The following CTCF variants were observed in gnomAD, a reference collection of about 807,000 sequenced individuals.
CTCF encodes transcriptional repressor CTCF.
In CTCF, 7 loss-of-function variants were observed where a neutral mutation model predicts 72.3. The ratio of observed to expected loss-of-function variants is 0.10; its 90% CI spans 0.06 to 0.18. The LOEUF is 0.18. Ranked by LOEUF, CTCF falls within the 10% of genes least tolerant of loss-of-function variation. CTCF has a pLI of 1.00. For missense variants in CTCF, 516 were observed against 949.1 expected, an observed-to-expected ratio of 0.54 and a Z score of 6.00; for synonymous variants, 374 against 315.8, an observed-to-expected ratio of 1.18 and a Z score of -1.95.
Position 67,626,535 on chromosome 16 carries a change from G to A in CTCF, c.1358-20G>A. The A allele has an allele frequency of 7.1e-7, 1 of 1,417,754 alleles. No homozygotes were observed. The highest frequency in any genetic ancestry group is 9.3e-7 in the Non-Finnish European group (1 of 1,074,568). The allele number at this position is 1,417,754 out of a possible 1,614,324, so 87.8% of individuals were successfully genotyped here. On this transcript the variant is annotated intron_variant, in intron 7 of 11. Coordinates refer to ENST00000264010, the MANE Select transcript of CTCF (RefSeq NM_006565.4). ...TGTTTGTGTTTTCACATTACCCTGG[G>A]CTTTTTACTGTGCTTTCAGGTGTCC... is the stretch of plus-strand genomic sequence containing the variant.
chr16:67,589,043 A>G (rs2051704380), intron 2 of CTCF, among the ~76,000 whole-genome samples: 1 of 152,090 alleles, frequency 6.6e-6, no homozygotes, highest in South Asian at 2.1e-4. Flanking sequence ...CATAATCCCA[A>G]CATGTTGGGA....
intron 5 of CTCF, among the ~76,000 whole-genome samples, chr16:67,618,037 G>A (rs2052155959): frequency 6.6e-6 from 1 of 152,186 alleles, no homozygotes; most frequent in South Asian, 2.1e-4. Context: ...GATGGGATGG[G>A]AGCTAAAATT....
At chr16:67,606,933 T>C (rs945632236) in intron 2 of CTCF, among the ~76,000 whole-genome samples, 1 of 151,628 alleles carries the variant, frequency 6.6e-6, no homozygotes, top group Admixed American at 6.6e-5. Flanking sequence ...CACTCAGCTA[T>C]ATATGTTTTA....
At chr16:67,564,383 C>T (rs1330177066) in intron 1 of CTCF, among the ~76,000 whole-genome samples, 2 of 152,182 alleles carry the variant, frequency 1.3e-5, no homozygotes. Context: ...ACAGCCTGGT[C>T]CTAACCAAAG....
rs1371273815 is a variant in CTCF at position 67,579,004 on chromosome 16, C to T, written c.-10+7740C>T. Among the ~76,000 whole-genome samples, 5 of 151,244 alleles carry T rather than the reference C, an allele frequency of 3.3e-5. No homozygotes were observed. The East Asian group carries it at 1.0e-3, about 30-fold the overall frequency. ...GCGTGGTGGCTCACGCCTGTAATCC[C>T]AGCACTTTGGGAGGCCAAGGTGCGT... On this transcript the variant is annotated intron_variant, in intron 2 of 11. Transcript: ENST00000264010.
chr16:67,602,091 T>C (rs1011267888), intron 2 of CTCF, among the ~76,000 whole-genome samples: 2 of 152,274 alleles, frequency 1.3e-5, no homozygotes, highest in East Asian at 1.9e-4. Flanking sequence ...CGTGAACTCC[T>C]GACCTCAGGT....
chr16:67,624,117 AT>A (rs1490355110), intron 7 of CTCF, among the ~76,000 whole-genome samples: 2 of 92,528 alleles, frequency 2.2e-5, no homozygotes, highest in Admixed American at 1.2e-4. Flanking sequence ...GTGTGTGTGT[AT>A]GTGTGTGTAT....
rs567140457 is a variant in CTCF at position 67,617,104 on chromosome 16, A to G, written c.1086+226A>G. Among the ~76,000 whole-genome samples, 184 of 152,300 alleles carry G rather than the reference A, an allele frequency of 1.2e-3. 1 individual carries two copies. The highest frequency in any genetic ancestry group is 4.0e-3 in the African/African-American group (167 of 41,582). ...TGGCTGGGTGCGGTGGCTCACGCCT[A>G]TAATCCCAGCACTTTGGGAGGCTGA... On this transcript the variant is annotated intron_variant, in intron 5 of 11. Coordinates refer to ENST00000264010, the MANE Select transcript of CTCF (RefSeq NM_006565.4).
intron 10 of CTCF, among the ~76,000 whole-genome samples, chr16:67,632,357 G>A (rs183396346): frequency 1.3e-5 from 2 of 152,294 alleles, no homozygotes; most frequent in African/African-American, 4.8e-5. Context: ...ATTATTGATA[G>A]CTTCTGATAG....
intron 2 of CTCF, among the ~76,000 whole-genome samples, chr16:67,592,285 G>A (rs982975305): frequency 4.6e-5 from 7 of 151,856 alleles, no homozygotes; most frequent in Admixed American, 2.6e-4. Context: ...AGTGGTGTAC[G>A]CCTGTGATCC....
At chr16:67,606,930 CTA>C (rs1285794277) in intron 2 of CTCF, among the ~76,000 whole-genome samples, 1 of 151,766 alleles carries the variant, frequency 6.6e-6, no homozygotes, top group Non-Finnish European at 1.5e-5. Flanking sequence ...CCACACTCAG[CTA>C]TATATGTTTT....
intron 10 of CTCF, among the ~76,000 whole-genome samples, chr16:67,633,798 AC>A (rs2052395186): frequency 6.6e-6 from 1 of 151,776 alleles, no homozygotes; most frequent in African/African-American, 2.4e-5. Flanking sequence ...ACACACACAC[AC>A]ACACACACAC....
chr16:67,572,395 A>G (rs2051435009), intron 2 of CTCF: 1 of 152,226 alleles, frequency 6.6e-6, no homozygotes, highest in Non-Finnish European at 1.5e-5. Context: ...GAATGGGTTT[A>G]TAGGAACACG....
rs962102405 is a variant in CTCF, at chr16:67,620,959, G to C, written c.1207+142G>C. The C allele has an allele frequency of 6.7e-6, 4 of 601,008 alleles. No homozygotes were observed. In the African/African-American group the frequency reaches 7.6e-5, roughly 11 times the overall value. The allele number at this position is 601,008 out of a possible 1,614,324, so 37.2% of individuals were successfully genotyped here. A position where few individuals can be genotyped will look rare whatever the true frequency, so the allele number is the denominator to read the frequency against. On this transcript the variant is annotated intron_variant, in intron 6 of 11. Coordinates refer to ENST00000264010, the MANE Select transcript of CTCF (RefSeq NM_006565.4). The stretch of plus-strand genomic sequence containing the variant: ...AGTATGGAATTGATAATGCTTCTCC[G>C]GCATATCCTCTGAATTCGTTGTTCA...
At chr16:67,579,038 T>G (rs1028253012) in intron 2 of CTCF, among the ~76,000 whole-genome samples, 1 of 151,822 alleles carries the variant, frequency 6.6e-6, no homozygotes, top group African/African-American at 2.4e-5. Context: ...GTGGATCACC[T>G]GAGGTCAGGA....
chr16:67,567,073 C>G (rs1484812739), intron 1 of CTCF, among the ~76,000 whole-genome samples: 1 of 151,920 alleles, frequency 6.6e-6, no homozygotes, highest in African/African-American at 2.4e-5. Context: ...AACTCGTGGC[C>G]TCAAGCAGTC....
intron 2 of CTCF, among the ~76,000 whole-genome samples, chr16:67,591,712 T>G (rs189187740): frequency 6.6e-6 from 1 of 150,730 alleles, no homozygotes; most frequent in East Asian, 1.9e-4. Context: ...AAAAACTGAT[T>G]ACTTTTTTTG....
At chr16:67,575,484 C>T (rs555040497) in intron 2 of CTCF, among the ~76,000 whole-genome samples, 9 of 151,924 alleles carry the variant, frequency 5.9e-5, no homozygotes, top group East Asian at 1.9e-4. Flanking sequence ...CTCGCTCTGT[C>T]GCCAGGCTGG....
intron 7 of CTCF, among the ~76,000 whole-genome samples, chr16:67,624,157 G>GTA (rs200079779): frequency 0.03 from 4,388 of 147,082 alleles, 121 homozygotes; most frequent in South Asian, 0.055. Context: ...ATATATGTGT[G>GTA]TATATATATA....
Sources: gnomAD v4.1 joint callset for allele counts (sites outside exome capture counted in the v4.1 genomes callset) on GRCh38, gnomAD v4.1.1 for gene constraint, MANE v1.5 for transcripts, NCBI Gene and HGNC (gene_info 2026-07-23, HGNC 2026-07-21) for gene names.